The following GALNTL6 variants were observed in gnomAD, a reference collection of about 807,000 sequenced individuals.
The protein encoded by GALNTL6 is polypeptide N-acetylgalactosaminyltransferase-like 6.
GALNTL6 carries 46 observed loss-of-function variants against 73.7 expected under a neutral mutation model. That is an observed-to-expected ratio of 0.62 (90% CI 0.49 to 0.80). GALNTL6 has a LOEUF of 0.80. Among genes scored for constraint, GALNTL6 ranks in the 30% least tolerant of loss-of-function variants. GALNTL6 has a pLI of 0.00. For missense variants in GALNTL6, 604 were observed against 755.0 expected (o/e 0.80, Z 2.34); for synonymous variants, 259 against 263.7 (o/e 0.98, Z 0.17).
chr4:172,427,556 G>A (rs1035250115), intron 5 of GALNTL6, among the ~76,000 whole-genome samples: 2 of 152,074 alleles, frequency 1.3e-5, no homozygotes, highest in African/African-American at 4.8e-5. Flanking sequence ...ATGTTTATGT[G>A]TCAGACATGT....
At chr4:172,881,932 T>C (rs1013646148) in intron 7 of GALNTL6, among the ~76,000 whole-genome samples, 7 of 151,764 alleles carry the variant, frequency 4.6e-5, no homozygotes, top group African/African-American at 1.7e-4. Context: ...ACCGTGTGCA[T>C]AGGGAGGTTG....
rs913367129 is a variant in GALNTL6 at position 172,336,505 on chromosome 4, G to GA, written c.387-12017dup. 3.9e-4 allele frequency among the ~76,000 whole-genome samples: 58 copies of GA among 150,340 alleles called. 1 individual carries two copies. Among genetic ancestry groups the GA allele is most frequent in the African/African-American group, 1.3e-3 (54 of 40,926 alleles). On this transcript the variant is annotated intron_variant, in intron 4 of 12. Coordinates refer to ENST00000506823, the MANE Select transcript of GALNTL6 (RefSeq NM_001034845.3). The stretch of plus-strand genomic sequence containing the variant: ...TTGGTCAGGCTGGTCTCAAACTCCT[G>GA]ACCTCAGGATCCGCCCACCTCGGCC...
chr4:172,061,421 C>T (rs1201010732), intron 2 of GALNTL6, among the ~76,000 whole-genome samples: 3 of 152,112 alleles, frequency 2.0e-5, no homozygotes, highest in East Asian at 1.9e-4. Flanking sequence ...ATTGCACTTT[C>T]GTTCTGTCAT....
At chr4:172,482,513 G>A (rs891474424) in intron 5 of GALNTL6, among the ~76,000 whole-genome samples, 2 of 152,254 alleles carry the variant, frequency 1.3e-5, no homozygotes. Context: ...AAAGGGCAGT[G>A]TTAAAAGAAG....
intron 10 of GALNTL6, among the ~76,000 whole-genome samples, chr4:172,964,358 A>C (rs1431167103): frequency 6.6e-6 from 1 of 152,246 alleles, no homozygotes; most frequent in Non-Finnish European, 1.5e-5. Context: ...AAAGATGTAA[A>C]ATAGACAAAC....
intron 5 of GALNTL6, among the ~76,000 whole-genome samples, chr4:172,660,562 T>C (rs997119348): frequency 1.3e-5 from 2 of 152,234 alleles, no homozygotes; most frequent in Non-Finnish European, 2.9e-5. Context: ...CTGGCCTTTT[T>C]AGTACTGGCT....
At chr4:172,221,889 A>G (rs765710304) in intron 2 of GALNTL6, among the ~76,000 whole-genome samples, 1 of 151,806 alleles carries the variant, frequency 6.6e-6, no homozygotes, top group Non-Finnish European at 1.5e-5. Flanking sequence ...GGAGGATTTT[A>G]CCTGGCACTT....
At chr4:172,000,388 C>G (rs533422803) in intron 2 of GALNTL6, among the ~76,000 whole-genome samples, 17 of 152,244 alleles carry the variant, frequency 1.1e-4, no homozygotes, top group Admixed American at 7.2e-4. Flanking sequence ...CAGAACATAT[C>G]TCAGAATCAT....
At chr4:172,886,385 T>C (rs1178426089) in intron 8 of GALNTL6, among the ~76,000 whole-genome samples, 14 of 151,578 alleles carry the variant, frequency 9.2e-5, no homozygotes, top group Admixed American at 7.9e-4. Flanking sequence ...AGTTGTTGTG[T>C]CTCCTTTTTC....
chr4:172,467,249 C>T (rs151274718), intron 5 of GALNTL6, among the ~76,000 whole-genome samples: 170 of 152,330 alleles, frequency 1.1e-3, no homozygotes, highest in African/African-American at 3.9e-3. Context: ...ACAAATTGTT[C>T]TAAAACCACT....
At chr4:172,064,575 T>C (rs1579102376) in intron 2 of GALNTL6, among the ~76,000 whole-genome samples, 1 of 152,178 alleles carries the variant, frequency 6.6e-6, no homozygotes, top group Admixed American at 6.5e-5. Flanking sequence ...ATGGGTACAA[T>C]GTTCAAAAAT....
At chr4:171,925,605 ATTTATACCAT>A (rs1380677029) in intron 2 of GALNTL6, among the ~76,000 whole-genome samples, 1 of 152,174 alleles carries the variant, frequency 6.6e-6, no homozygotes, top group Non-Finnish European at 1.5e-5. Context: ...GATATATTTC[ATTTATACCAT>A]TTTAAGTGAC....
At chr4:172,650,841 A>C (rs1740443490) in intron 5 of GALNTL6, among the ~76,000 whole-genome samples, 2 of 152,214 alleles carry the variant, frequency 1.3e-5, no homozygotes, top group Admixed American at 6.5e-5. Context: ...AAGTTTTGAT[A>C]ATGTCTAAAA....
chr4:172,394,226 C>T (rs554026152), intron 5 of GALNTL6, among the ~76,000 whole-genome samples: 1 of 151,964 alleles, frequency 6.6e-6, no homozygotes, highest in South Asian at 2.1e-4. Context: ...CTTTCTGTTG[C>T]TGTATTTGTC....
intron 2 of GALNTL6, among the ~76,000 whole-genome samples, chr4:171,825,117 G>T (rs1195526173): frequency 3.3e-5 from 5 of 152,092 alleles, no homozygotes; most frequent in African/African-American, 1.2e-4. Flanking sequence ...CATTAAATCA[G>T]TCTAGTTGCC....
intron 2 of GALNTL6, among the ~76,000 whole-genome samples, chr4:172,107,980 T>TA (rs1732733529): frequency 6.6e-6 from 1 of 152,210 alleles, no homozygotes; most frequent in Non-Finnish European, 1.5e-5. Flanking sequence ...AGTAGGTTTT[T>TA]AGTCAAGGAT....
At chr4:172,571,984 A>C (rs1736780104) in intron 5 of GALNTL6, among the ~76,000 whole-genome samples, 1 of 152,042 alleles carries the variant, frequency 6.6e-6, no homozygotes, top group Non-Finnish European at 1.5e-5. Flanking sequence ...GTATTGTCAA[A>C]TTTTCTATGT....
intron 5 of GALNTL6, among the ~76,000 whole-genome samples, chr4:172,430,864 T>G (rs1731424553): frequency 6.6e-6 from 1 of 152,134 alleles, no homozygotes; most frequent in Non-Finnish European, 1.5e-5. Flanking sequence ...TTTTATGAGT[T>G]GAAATAGGAT....
At chr4:172,747,827 T>C (rs544395678) in intron 5 of GALNTL6, among the ~76,000 whole-genome samples, 2 of 132,482 alleles carry the variant, frequency 1.5e-5, no homozygotes, top group Admixed American at 1.6e-4. Context: ...GGAATTGTGC[T>C]ATTCAGCTTC....
Sources: allele counts gnomAD v4.1 joint callset (sites outside exome capture counted in the v4.1 genomes callset), GRCh38; gene constraint gnomAD v4.1.1; transcripts MANE v1.5; gene names NCBI Gene and HGNC (gene_info 2026-07-23, HGNC 2026-07-21).